The following CDK15 variants were observed in gnomAD, a reference collection of about 807,000 sequenced individuals.
The protein encoded by CDK15 is cyclin-dependent kinase 15.
CDK15 carries 62 observed loss-of-function variants against 60.3 expected under a neutral mutation model. The observed-to-expected ratio is 1.03, with a 90% CI of 0.84 to 1.27. The LOEUF is 1.27. CDK15 is among the 50% of genes most tolerant of loss of function. The pLI is 0.00. For synonymous variants in CDK15, 194 were observed against 195.7 expected (o/e 0.99, Z 0.07); for missense variants, 541 against 527.8 (o/e 1.03, Z -0.25).
intron 4 of CDK15, 131 bp downstream of exon 4, chr2:201,812,693 A>G (rs1695828483): frequency 4.3e-6 from 2 of 460,716 alleles, no homozygotes; most frequent in Non-Finnish European, 7.7e-6. Flanking sequence ...TTTATTTTTC[A>G]TACAAGTTTT....
chr2:201,810,414 G>T (rs889415030), intron 3 of CDK15, among the ~76,000 whole-genome samples: 2 of 151,298 alleles, frequency 1.3e-5, no homozygotes, highest in African/African-American at 4.9e-5. Context: ...CAACCCACAT[G>T]ATAGGGCTAT....
chr2:201,861,605 G>T (rs1314929350), intron 10 of CDK15: 2 of 866,310 alleles, frequency 2.3e-6, no homozygotes, highest in African/African-American at 4.1e-5. Flanking sequence ...TTGTCACCCA[G>T]GCTGGAGTGC....
chr2:201,872,140 A>G, intron 10 of CDK15, 138 bp from the exon 11 acceptor site: 1 of 885,432 alleles, frequency 1.1e-6, no homozygotes, highest in Admixed American at 2.0e-5. Context: ...GAGGCTTTAA[A>G]AATCACATTA....
intron 10 of CDK15, among the ~76,000 whole-genome samples, chr2:201,871,570 G>T (rs1698852975): frequency 6.6e-6 from 1 of 152,008 alleles, no homozygotes; most frequent in Non-Finnish European, 1.5e-5. Flanking sequence ...GAGGTAGTGG[G>T]GTTTCTTTTG....
At chr2:201,852,652 G>C (rs1021613932) in intron 9 of CDK15, among the ~76,000 whole-genome samples, 1 of 152,144 alleles carries the variant, frequency 6.6e-6, no homozygotes, top group South Asian at 2.1e-4. Flanking sequence ...TTGAAACATA[G>C]CACTCACTGG....
intron 11 of CDK15, 36 bp downstream of exon 11, chr2:201,872,362 C>G: frequency 1.2e-6 from 2 of 1,603,522 alleles, no homozygotes; most frequent in Non-Finnish European, 1.7e-6. Flanking sequence ...TTTAAGGGAT[C>G]TTTAAGCAGG....
intron 3 of CDK15, chr2:201,808,846 T>G (rs953607623): frequency 6.6e-6 from 1 of 151,938 alleles, no homozygotes; most frequent in Non-Finnish European, 1.5e-5. Flanking sequence ...ATCTTAGTAT[T>G]TATGCTGTTA....
At chr2:201,822,583 C>T (rs1696280085) in intron 4 of CDK15, among the ~76,000 whole-genome samples, 1 of 152,174 alleles carries the variant, frequency 6.6e-6, no homozygotes, top group Admixed American at 6.5e-5. Flanking sequence ...TTTTTTGCAA[C>T]CACTCTAGCC....
chr2:201,808,367 A>G (rs1695608862), intron 3 of CDK15, among the ~76,000 whole-genome samples: 1 of 152,212 alleles, frequency 6.6e-6, no homozygotes, highest in Non-Finnish European at 1.5e-5. Context: ...TTGCTGCTTC[A>G]TTCCTCCACC....
At chr2:201,836,030 A>ATT (rs1697020700) in intron 8 of CDK15, among the ~76,000 whole-genome samples, 1 of 120,588 alleles carries the variant, frequency 8.3e-6, no homozygotes, top group Non-Finnish European at 1.6e-5. Context: ...ATATATTTAT[A>ATT]TATATTTTAT....
At chr2:201,863,045 C>A (rs916551117) in intron 10 of CDK15, among the ~76,000 whole-genome samples, 15 of 152,178 alleles carry the variant, frequency 9.9e-5, no homozygotes, top group African/African-American at 3.6e-4. Context: ...AATCTATGAA[C>A]CTCGATTGGG....
At chr2:201,858,799 A>G (rs2105794630) in intron 10 of CDK15, among the ~76,000 whole-genome samples, 1 of 152,280 alleles carries the variant, frequency 6.6e-6, no homozygotes, top group East Asian at 1.9e-4. Context: ...TCTTGAAAAA[A>G]GAGGGAGGAG....
At chr2:201,891,435 T>C (rs1699636448) in intron 13 of CDK15, among the ~76,000 whole-genome samples, 1 of 152,222 alleles carries the variant, frequency 6.6e-6, no homozygotes, top group Admixed American at 6.5e-5. Flanking sequence ...AATTTTGTCC[T>C]GGTAAGGGTA....
chr2:201,872,292 C>A lies in CDK15; in HGVS notation c.1024C>A (p.Pro342Thr), dbSNP rs1299543287. ...PNYNPEWFPLPTPRSLHVVWN... is the reference protein window; with the variant it reads ...PNYNPEWFPLTTPRSLHVVWN... ...ATGCTTCCCAGAATGGTTCCCACTGCCTACGCCTCGAAGCCTTCATGTTGT... is the reference window on the plus strand; with the variant it reads ...ATGCTTCCCAGAATGGTTCCCACTGACTACGCCTCGAAGCCTTCATGTTGT... The change falls in exon 11 of 14, where the codon CCT becomes ACT. Residue 342 changes from proline to threonine, a missense_variant. Transcript: ENST00000652192. 2.5e-6 allele frequency: 4 copies of A among 1,614,042 alleles called. No homozygotes were observed. Among genetic ancestry groups the A allele is most frequent in the Non-Finnish European group, 3.4e-6 (4 of 1,179,966 alleles).
chr2:201,859,902 T>G (rs1698313143), intron 10 of CDK15, among the ~76,000 whole-genome samples: 1 of 152,230 alleles, frequency 6.6e-6, no homozygotes. Context: ...GAGAATCAAC[T>G]AAATATTTAG....
intron 12 of CDK15, among the ~76,000 whole-genome samples, chr2:201,881,061 C>T (rs1699259092): frequency 6.6e-6 from 1 of 152,026 alleles, no homozygotes; most frequent in African/African-American, 2.4e-5. Flanking sequence ...GCGATGAGGA[C>T]ACTGGAAGGG....
At chr2:201,854,990 G>T in intron 10 of CDK15, 53 bp downstream of exon 10, 1 of 1,546,630 alleles carries the variant, frequency 6.5e-7, no homozygotes, top group Non-Finnish European at 8.9e-7. Flanking sequence ...TGTAAGGAGA[G>T]CATTGGCCAC....
At chr2:201,835,173 C>T (rs1696950445) in intron 7 of CDK15, among the ~76,000 whole-genome samples, 1 of 152,202 alleles carries the variant, frequency 6.6e-6, no homozygotes, top group African/African-American at 2.4e-5. Flanking sequence ...TTTCGCATCA[C>T]AGTCCTGACC....
rs1696981416 is a variant in CDK15 at position 201,835,783 on chromosome 2, A to C, written c.851+20A>C. ...CATATGGTAAGAGTGGTGCCGAGAA[A>C]ATGTGAGTCATCCTACTCACGAGGG... On this transcript the variant is annotated intron_variant, in intron 8 of 13. Transcript: ENST00000652192. 2 of 1,488,576 alleles carry C rather than the reference A, an allele frequency of 1.3e-6. No homozygotes were observed. The highest frequency in any genetic ancestry group is 1.8e-6 in the Non-Finnish European group (2 of 1,102,308). The allele number at this position is 1,488,576 out of a possible 1,614,324, so 92.2% of individuals were successfully genotyped here.
Sources: allele counts gnomAD v4.1 joint callset (sites outside exome capture counted in the v4.1 genomes callset), GRCh38; gene constraint gnomAD v4.1.1; transcripts MANE v1.5; gene names NCBI Gene and HGNC (gene_info 2026-07-23, HGNC 2026-07-21).